The following TRPC7 variants were observed in gnomAD, a reference collection of about 807,000 sequenced individuals.
TRPC7 encodes the protein transient receptor potential cation channel subfamily C member 7, also known as short transient receptor potential channel 7.
Under a neutral mutation model 90.1 loss-of-function variants are expected in TRPC7, and 42 were observed. The observed-to-expected ratio is 0.47, with a 90% CI of 0.36 to 0.60. The LOEUF (loss-of-function observed/expected upper bound fraction) is 0.60. Among genes scored for constraint, TRPC7 ranks in the 20% least tolerant of loss-of-function variants. TRPC7 has a pLI of 0.00. For missense variants in TRPC7, 955 were observed against 1,112.3 expected (o/e 0.86, Z 2.01); for synonymous variants, 451 against 436.3 (o/e 1.03, Z -0.42).
chr5:136,322,624 C>T (rs576130509), intron 2 of TRPC7, among the ~76,000 whole-genome samples: 1 of 152,322 alleles, frequency 6.6e-6, no homozygotes, highest in East Asian at 1.9e-4. Flanking sequence ...TTGCCTCAGT[C>T]TCCCGAGTAG....
chr5:136,278,293 G>A (rs17170032), intron 3 of TRPC7, among the ~76,000 whole-genome samples: 2 of 152,322 alleles, frequency 1.3e-5, no homozygotes, highest in East Asian at 1.9e-4. Flanking sequence ...TGGTGTTCAC[G>A]AATGGGCACT....
At chr5:136,331,289 G>T (rs914702653) in intron 2 of TRPC7, among the ~76,000 whole-genome samples, 2 of 152,116 alleles carry the variant, frequency 1.3e-5, no homozygotes, top group African/African-American at 4.8e-5. Flanking sequence ...TTTGCCCAAG[G>T]ATTGGCTCAT....
intron 8 of TRPC7, among the ~76,000 whole-genome samples, chr5:136,230,392 GTTCTT>G (rs771638126): frequency 6.6e-6 from 1 of 152,120 alleles, no homozygotes; most frequent in African/African-American, 2.4e-5. Context: ...TCAGAGGTTT[GTTCTT>G]TTCATTTGCT....
intron 10 of TRPC7, among the ~76,000 whole-genome samples, chr5:136,220,320 A>T (rs186884552): frequency 2.0e-5 from 3 of 152,346 alleles, no homozygotes; most frequent in Admixed American, 6.5e-5. Flanking sequence ...ATAAATGGAC[A>T]TGCAAGTAGG....
At chr5:136,334,040 T>C (rs1045674595) in intron 2 of TRPC7, among the ~76,000 whole-genome samples, 2 of 151,792 alleles carry the variant, frequency 1.3e-5, no homozygotes, top group Non-Finnish European at 1.5e-5. Context: ...GAAAATTTGA[T>C]TTTTTTTTAA....
At chr5:136,278,997 C>T (rs550805988) in intron 3 of TRPC7, among the ~76,000 whole-genome samples, 13 of 152,208 alleles carry the variant, frequency 8.5e-5, no homozygotes, top group Admixed American at 5.2e-4. Flanking sequence ...CAAGCAGTTG[C>T]GAACTGAGCC....
intron 3 of TRPC7, among the ~76,000 whole-genome samples, chr5:136,283,284 T>C (rs1379343111): frequency 4.6e-5 from 7 of 152,232 alleles, no homozygotes; most frequent in Non-Finnish European, 7.3e-5. Flanking sequence ...GGCAGTTGCT[T>C]GCTTTCCATT....
intron 7 of TRPC7, among the ~76,000 whole-genome samples, chr5:136,234,323 T>C (rs79081878): frequency 6.6e-6 from 1 of 151,984 alleles, no homozygotes; most frequent in Non-Finnish European, 1.5e-5. Context: ...TTTTTTTTTT[T>C]CTGAGACAGA....
rs778916426 is a variant in TRPC7, at chr5:136,251,675, G to A, written c.1553C>T (p.Pro518Leu). The part of the protein sequence containing the change: ...QDDTLHNVSL[P>L]PEVAYFTYAR... ...GTAGGTGAAGTATGCCACTTCCGGC[G>A]GAAGCGAGACATTGTGCAGCGTGTC... Residue 518 changes from proline (P) to leucine (L), a missense_variant, in exon 6 of 12, where the codon CCG becomes CTG. Pro to Leu is a moderately conservative substitution (Grantham distance 98). Transcript: ENST00000513104. 2.4e-5 allele frequency: 38 copies of A among 1,609,500 alleles called. No homozygotes were observed. Among genetic ancestry groups the A allele is most frequent in the Middle Eastern group, 1.6e-4 (1 of 6,074 alleles).
intron 6 of TRPC7, among the ~76,000 whole-genome samples, chr5:136,250,611 A>C (rs1440522474): frequency 6.6e-6 from 1 of 152,260 alleles, no homozygotes; most frequent in African/African-American, 2.4e-5. Context: ...TTTTAAAATA[A>C]GTAAGCAGAT....
chr5:136,319,443 A>G (rs1759124677), intron 2 of TRPC7, among the ~76,000 whole-genome samples: 1 of 152,086 alleles, frequency 6.6e-6, no homozygotes, highest in South Asian at 2.1e-4. Flanking sequence ...CTCATCATAC[A>G]AACATGCTGT....
chr5:136,345,618 G>T (rs1029642861), intron 2 of TRPC7, among the ~76,000 whole-genome samples: 1 of 152,136 alleles, frequency 6.6e-6, no homozygotes, highest in Non-Finnish European at 1.5e-5. Flanking sequence ...CAGATGAGTA[G>T]ATTATAAAAA....
rs550771812 is a variant in TRPC7, at chr5:136,228,574, A to G, written c.2041-2319T>C. ...TGGGGAGGCGGGATGAGCAGAATGGAGCAGGGCAGAGCTCTCTGCTGGAGA... is the reference window on the plus strand; with the variant it reads ...TGGGGAGGCGGGATGAGCAGAATGGGGCAGGGCAGAGCTCTCTGCTGGAGA... On this transcript the variant is annotated intron_variant, in intron 8 of 11. Coordinates refer to ENST00000513104, the MANE Select transcript of TRPC7 (RefSeq NM_020389.3). Among the ~76,000 whole-genome samples the G allele has an allele frequency of 4.9e-3, 711 of 144,194 alleles. 7 individuals are homozygous for G. Among genetic ancestry groups the G allele is most frequent in the African/African-American group, 0.018 (676 of 38,166 alleles). 94.6% of individuals were successfully genotyped at this position (144,194 alleles called of 152,430 possible).
At chr5:136,353,251 G>A (rs1760258907) in intron 2 of TRPC7, among the ~76,000 whole-genome samples, 1 of 152,154 alleles carries the variant, frequency 6.6e-6, no homozygotes, top group Admixed American at 6.5e-5. Context: ...TTAATGACTA[G>A]TGTCTATTCT....
chr5:136,323,070 T>G (rs1397946100), intron 2 of TRPC7, among the ~76,000 whole-genome samples: 1 of 152,208 alleles, frequency 6.6e-6, no homozygotes, highest in Non-Finnish European at 1.5e-5. Context: ...AGGAACCCAG[T>G]GGGAGATAAT....
Position 136,356,710 on chromosome 5 carries a change from C to T in TRPC7, c.678G>A (p.Ala226=). The T allele has an allele frequency of 3.1e-6, 5 of 1,611,270 alleles. No individual in the cohort carries two copies. Among genetic ancestry groups the T allele is most frequent in the Non-Finnish European group, 4.2e-6 (5 of 1,178,318 alleles). ...RSRMNAYKGL[A]SAAYLSLSSE... ...TGGACAGGGACAAGTAGGCAGCACT[C>T]GCCAGTCCTTTGTAGGCGTTCATGC... The change falls in exon 2 of 12, where the codon GCG becomes GCA. Residue 226 remains alanine (A), a synonymous_variant. Transcript: ENST00000513104.
chr5:136,299,673 GAAT>G (rs891880671), intron 3 of TRPC7, among the ~76,000 whole-genome samples: 4 of 152,124 alleles, frequency 2.6e-5, no homozygotes, highest in African/African-American at 9.7e-5. Context: ...TATGAGCATC[GAAT>G]AATGAGATAG....
chr5:136,233,632 G>C (rs1755886230), intron 7 of TRPC7, among the ~76,000 whole-genome samples: 1 of 152,180 alleles, frequency 6.6e-6, no homozygotes, highest in Admixed American at 6.5e-5. Context: ...GGGCAGACAA[G>C]GGCTGATCTA....
intron 3 of TRPC7, among the ~76,000 whole-genome samples, chr5:136,308,699 T>C (rs1053009754): frequency 1.3e-5 from 2 of 152,194 alleles, no homozygotes; most frequent in Non-Finnish European, 2.9e-5. Flanking sequence ...GTCAGCCAGT[T>C]GTGCAGCTAC....
Sources: gnomAD v4.1 joint callset for allele counts (sites outside exome capture counted in the v4.1 genomes callset) on GRCh38, gnomAD v4.1.1 for gene constraint, MANE v1.5 for transcripts, NCBI Gene and HGNC (gene_info 2026-07-23, HGNC 2026-07-21) for gene names.